DPP6: variants seen among roughly 807,000 people sequenced by gnomAD.
The protein encoded by DPP6 is dipeptidyl peptidase like 6, also known as A-type potassium channel modulatory protein DPP6.
In DPP6, 69 loss-of-function variants were observed where a neutral mutation model predicts 122.6. The observed-to-expected ratio is 0.56, with a 90% CI of 0.46 to 0.69. The LOEUF (loss-of-function observed/expected upper bound fraction) is 0.69, where lower values mean the gene tolerates loss of function less well. Among genes scored for constraint, DPP6 ranks in the 30% least tolerant of loss-of-function variants. The pLI is 0.00. For synonymous variants in DPP6, 418 were observed against 433.1 expected (o/e 0.97, Z 0.43); for missense variants, 928 against 1,116.9 (o/e 0.83, Z 2.41).
chr7:154,486,455 T>C lies in DPP6; in HGVS notation c.457+11418T>C, dbSNP rs1171497113. The stretch of plus-strand genomic sequence containing the variant: ...CCACTCATGGCCTCTATTACCACGT[T>C]CCTGGCCATATTAGGTTCTTTGGCA... On this transcript the variant is annotated intron_variant, in intron 3 of 25. Transcript: ENST00000377770. The surrounding 1 kb of genome is among the most constrained non-coding windows in gnomAD (Gnocchi z 4.5). 1.3e-5 allele frequency among the ~76,000 whole-genome samples: 2 copies of C among 152,184 alleles called. No individual in the cohort carries two copies. The highest frequency in any genetic ancestry group is 6.6e-5 in the Admixed American group (1 of 15,264).
chr7:154,011,403 A>T (rs1388338172), intron 1 of DPP6, among the ~76,000 whole-genome samples: 1 of 152,186 alleles, frequency 6.6e-6, no homozygotes, highest in Non-Finnish European at 1.5e-5. Flanking sequence ...CTCTGAGTGA[A>T]CCCTGTCTTT....
chr7:154,776,348 A>ACAGAGGCTCCCCTCTGCC (rs1796573520), intron 10 of DPP6, among the ~76,000 whole-genome samples: 1 of 152,046 alleles, frequency 6.6e-6, no homozygotes, highest in Admixed American at 6.5e-5. Context: ...GAGGATCTGC[A>ACAGAGGCTCCCCTCTGCC]CAGAGGCTCC....
chr7:153,890,149 C>A (rs1233905683), intron 1 of DPP6, among the ~76,000 whole-genome samples: 1 of 152,226 alleles, frequency 6.6e-6, no homozygotes, highest in Non-Finnish European at 1.5e-5. Flanking sequence ...TGCCGCACAT[C>A]TGACAGCTAC....
chr7:153,965,484 C>T (rs1795652530), intron 1 of DPP6, among the ~76,000 whole-genome samples: 4 of 152,118 alleles, frequency 2.6e-5, no homozygotes, highest in Admixed American at 2.6e-4. Context: ...TTGAAAATGA[C>T]ACCATTCTCC....
At position 154,778,474 on chromosome 7, in the gene DPP6, C is replaced by T. The variant is rs531362270; in HGVS notation, c.1136+5532C>T. 7.9e-5 allele frequency among the ~76,000 whole-genome samples: 12 copies of T among 152,018 alleles called. No individual in the cohort carries two copies. In the South Asian group the frequency reaches 2.1e-3, roughly 26 times the overall value. ...ATTTATACAAAACATGGTATGTGCACGAGTTTTGGGAAAGCTGAGGGTCAT... is the reference window on the plus strand; with the variant it reads ...ATTTATACAAAACATGGTATGTGCATGAGTTTTGGGAAAGCTGAGGGTCAT... On this transcript the variant is annotated intron_variant, in intron 10 of 25. Transcript: ENST00000377770.
chr7:154,009,391 C>T (rs2129048376), intron 1 of DPP6, among the ~76,000 whole-genome samples: 1 of 126,466 alleles, frequency 7.9e-6, no homozygotes, highest in African/African-American at 3.4e-5. Flanking sequence ...CCAGCGCTCA[C>T]CTTGACCTGG....
chr7:154,697,975 T>C (rs1366002929), intron 7 of DPP6, among the ~76,000 whole-genome samples: 1 of 152,186 alleles, frequency 6.6e-6, no homozygotes, highest in Non-Finnish European at 1.5e-5. Context: ...GGTTGAACTT[T>C]ATCATTTATT....
At chr7:153,889,523 A>G (rs184237594) in intron 1 of DPP6, among the ~76,000 whole-genome samples, 1 of 152,216 alleles carries the variant, frequency 6.6e-6, no homozygotes, top group Non-Finnish European at 1.5e-5. Flanking sequence ...ATAAGTTTCT[A>G]CTTATAACTT....
chr7:153,937,437 C>CTTTT (rs201001951), intron 1 of DPP6, among the ~76,000 whole-genome samples: 18 of 115,504 alleles, frequency 1.6e-4, no homozygotes, highest in Non-Finnish European at 2.4e-4. Context: ...TCAGAGCTAA[C>CTTTT]TTTTTTTTTT....
Position 154,421,080 on chromosome 7 carries a change from A to G in DPP6, c.244-25134A>G, listed in dbSNP as rs180962644. Reference sequence around the variant, plus strand: ...CCAGGATTCGAAGTCTGAGTCTCCCAATTACTAAGTGTGTGACTTTGGGCA... The same window carrying G: ...CCAGGATTCGAAGTCTGAGTCTCCCGATTACTAAGTGTGTGACTTTGGGCA... On this transcript the variant is annotated intron_variant, in intron 1 of 25. Coordinates refer to ENST00000377770, the MANE Select transcript of DPP6 (RefSeq NM_130797.4). 4.6e-5 allele frequency among the ~76,000 whole-genome samples: 7 copies of G among 152,326 alleles called. No individual in the cohort carries two copies. The East Asian group carries it at 1.4e-3, about 29-fold the overall frequency.
At chr7:154,423,959 C>T (rs1043782583) in intron 1 of DPP6, among the ~76,000 whole-genome samples, 6 of 152,166 alleles carry the variant, frequency 3.9e-5, no homozygotes, top group African/African-American at 7.2e-5. Flanking sequence ...GCTTGTTTCA[C>T]GGCCTTTGTT....
At chr7:154,114,885 A>T (rs189277420) in intron 1 of DPP6, among the ~76,000 whole-genome samples, 2 of 152,196 alleles carry the variant, frequency 1.3e-5, no homozygotes, top group Non-Finnish European at 2.9e-5. Flanking sequence ...GGCTGTAGCC[A>T]TGGGTCTCAT....
the DPP6 span, among the ~76,000 whole-genome samples, chr7:153,841,116 T>C: frequency 1.3e-5 from 2 of 152,186 alleles, no homozygotes; most frequent in Admixed American, 6.5e-5. Flanking sequence ...GTCACAGTCA[T>C]TGCGTCACCA....
chr7:153,855,256 A>G, the DPP6 span, among the ~76,000 whole-genome samples: 1 of 145,846 alleles, frequency 6.9e-6, no homozygotes, highest in South Asian at 2.3e-4. Context: ...AAGAAATAAT[A>G]AAAATAATAC....
intron 16 of DPP6, among the ~76,000 whole-genome samples, chr7:154,816,224 A>G (rs1166036491): frequency 3.3e-5 from 5 of 152,190 alleles, no homozygotes; most frequent in Admixed American, 1.3e-4. Flanking sequence ...TTGAGGTTTC[A>G]GTTACCTAGA....
At chr7:153,917,256 A>T (rs1231413288) in intron 1 of DPP6, among the ~76,000 whole-genome samples, 1 of 152,234 alleles carries the variant, frequency 6.6e-6, no homozygotes. Flanking sequence ...TGTAGGGATT[A>T]GGACACAGTG....
chr7:154,664,170 C>CCA lies in DPP6; in HGVS notation c.681-5190_681-5189insCA, dbSNP rs1402835915. On this transcript the variant is annotated intron_variant, in intron 6 of 25. Coordinates refer to ENST00000377770, the MANE Select transcript of DPP6 (RefSeq NM_130797.4). ...GTGTTCATATAGTCATGGTGAATCA[C>CCA]TATGGCATATTGGCGCTAGTGTTCA... Among the ~76,000 whole-genome samples, 17 of 148,810 alleles carry CCA rather than the reference C, an allele frequency of 1.1e-4. 1 individual carries two copies. Among genetic ancestry groups the CCA allele is most frequent in the Admixed American group, 2.7e-4 (4 of 14,902 alleles).
intron 4 of DPP6, among the ~76,000 whole-genome samples, chr7:154,562,529 A>G (rs1044863578): frequency 4.6e-5 from 7 of 152,166 alleles, no homozygotes; most frequent in African/African-American, 1.7e-4. Context: ...CCTCAAGATT[A>G]GGGAAAAAAG....
chr7:154,353,156 C>G (rs191742406), intron 1 of DPP6, among the ~76,000 whole-genome samples: 1 of 152,342 alleles, frequency 6.6e-6, no homozygotes, highest in Non-Finnish European at 1.5e-5. Context: ...AACAGGTCCC[C>G]TGGGTGACCT....
Sources: gnomAD v4.1 joint callset for allele counts (sites outside exome capture counted in the v4.1 genomes callset) on GRCh38, gnomAD v4.1.1 for gene constraint, Gnocchi (gnomAD v3.1) non-coding constraint, MANE v1.5 for transcripts, NCBI Gene and HGNC (gene_info 2026-07-23, HGNC 2026-07-21) for gene names.